PEAK1: variants seen among roughly 807,000 people sequenced by gnomAD.
PEAK1 encodes the protein inactive tyrosine-protein kinase PEAK1.
Under a neutral mutation model 124.7 loss-of-function variants are expected in PEAK1, and 54 were observed. That is an observed-to-expected ratio of 0.43 (90% CI 0.35 to 0.54). The LOEUF is 0.54. Ranked by LOEUF, PEAK1 falls within the 20% of genes least tolerant of loss-of-function variation. The probability of loss-of-function intolerance (pLI) is 0.01; values close to 1 mark genes in which losing one functional copy is unlikely to be tolerated. For missense variants in PEAK1, 2,046 were observed against 2,134.5 expected, an observed-to-expected ratio of 0.96 and a Z score of 0.82; for synonymous variants, 719 against 760.0, an observed-to-expected ratio of 0.95 and a Z score of 0.89.
intron 7 of PEAK1, among the ~76,000 whole-genome samples, chr15:77,175,310 T>C (rs550913374): frequency 4.5e-4 from 69 of 152,126 alleles, no homozygotes; most frequent in African/African-American, 1.2e-3. Context: ...TCAGAGTGAA[T>C]AGACAACCCA....
rs1052393141 is a variant in PEAK1 at position 77,352,032 on chromosome 15, G to A, written c.-603+13131C>T. On this transcript the variant is annotated intron_variant, in intron 2 of 9. Coordinates refer to ENST00000682557, the MANE Select transcript of PEAK1 (RefSeq NM_001385026.1). ...GCCCAGGAGTTCAAGACCAGCCTGG[G>A]TGACATAAGGAGACCCCATCTCTCC... 8 of 889,396 alleles carry A rather than the reference G, an allele frequency of 9.0e-6. No individual in the cohort carries two copies. In the African/African-American group the frequency reaches 1.5e-4, roughly 16 times the overall value. 55.1% of individuals were successfully genotyped at this position (889,396 alleles called of 1,614,324 possible).
At chr15:77,351,226 G>A (rs1280176824) in intron 2 of PEAK1, among the ~76,000 whole-genome samples, 1 of 152,208 alleles carries the variant, frequency 6.6e-6, no homozygotes, top group East Asian at 1.9e-4. Context: ...AGTGTTAAAG[G>A]GTCAGTATAA....
chr15:77,173,498 T>C lies in PEAK1; in HGVS notation c.3137+5292A>G, dbSNP rs971906339. Among the ~76,000 whole-genome samples the C allele has an allele frequency of 1.7e-4, 26 of 152,302 alleles. No individual in the cohort carries two copies. The East Asian group carries it at 2.5e-3, about 15-fold the overall frequency. ...ATCTACTTTTTTAGCAATTTTGAAA[T>C]ATGTACTATGTCATTATTAACTATG... On this transcript the variant is annotated intron_variant, in intron 7 of 9. Transcript: ENST00000682557.
chr15:77,218,464 T>A (rs563783660), intron 6 of PEAK1, among the ~76,000 whole-genome samples: 4 of 152,108 alleles, frequency 2.6e-5, no homozygotes, highest in Non-Finnish European at 5.9e-5. Context: ...AAACCAACAC[T>A]GCAACCCTGG....
At chr15:77,420,886 C>T (rs532926277), upstream of PEAK1, 7 of 398,540 alleles carry the variant, frequency 1.8e-5, no homozygotes, top group South Asian at 2.5e-4. Context: ...GAATTTTTGT[C>T]CAGCTGTGAG....
intron 2 of PEAK1, chr15:77,348,753 G>C: frequency 1.0e-6 from 1 of 975,034 alleles, no homozygotes; most frequent in Non-Finnish European, 1.2e-6. Flanking sequence ...ATAGAACTGT[G>C]ACTAAAACCC....
intron 5 of PEAK1, among the ~76,000 whole-genome samples, chr15:77,265,055 T>C (rs1189163687): frequency 2.0e-5 from 3 of 152,120 alleles, no homozygotes; most frequent in Non-Finnish European, 2.9e-5. Context: ...TAGCCATATG[T>C]AGAAAGCTGA....
At chr15:77,292,587 A>T (rs879693197) in intron 2 of PEAK1, among the ~76,000 whole-genome samples, 2 of 152,164 alleles carry the variant, frequency 1.3e-5, no homozygotes, top group Non-Finnish European at 2.9e-5. Flanking sequence ...AAGAAGGCAG[A>T]GTATCAAGAG....
rs568999257 is a variant in PEAK1 at position 77,238,029 on chromosome 15, T to C, written c.-115+14338A>G. Among the ~76,000 whole-genome samples, 28 of 152,304 alleles carry C rather than the reference T, an allele frequency of 1.8e-4. No homozygotes were observed. The South Asian group carries it at 5.4e-3, about 29-fold the overall frequency. ...TATTTCTATTTCTCATGTTTTCTTA[T>C]AGCTTCTGTATTTTCTTTTCCAGCT... On this transcript the variant is annotated intron_variant, in intron 6 of 9. Transcript: ENST00000682557.
intron 1 of PEAK1, among the ~76,000 whole-genome samples, chr15:77,382,805 C>T (rs1344008350): frequency 6.6e-6 from 1 of 151,992 alleles, no homozygotes. Flanking sequence ...AAGGGGAATC[C>T]AAATGAAATT....
chr15:77,285,282 T>C (rs1281736270), intron 3 of PEAK1, among the ~76,000 whole-genome samples: 1 of 152,208 alleles, frequency 6.6e-6, no homozygotes, highest in African/African-American at 2.4e-5. Context: ...GTCCTTACGA[T>C]AGTGTCTAGC....
At position 77,183,822 on chromosome 15, in the gene PEAK1, A is replaced by G. The variant is rs111289772; in HGVS notation, c.-114-1782T>C. ...TTTGAGCAGACACTTAACCAAATAT[A>G]TATGATTTTTGATCTTTTTTTTTGA... On this transcript the variant is annotated intron_variant, in intron 6 of 9. Transcript: ENST00000682557. 7.6e-3 allele frequency among the ~76,000 whole-genome samples: 1,159 copies of G among 152,242 alleles called. 14 individuals carry two copies. Among genetic ancestry groups the G allele is most frequent in the African/African-American group, 0.027 (1,106 of 41,518 alleles).
At chr15:77,238,489 C>G (rs2060219712) in intron 6 of PEAK1, among the ~76,000 whole-genome samples, 1 of 152,080 alleles carries the variant, frequency 6.6e-6, no homozygotes, top group Non-Finnish European at 1.5e-5. Context: ...GTTTTGCTTT[C>G]TTTATTAACT....
At chr15:77,402,408 T>A in intron 1 of PEAK1, 1 of 985,376 alleles carries the variant, frequency 1.0e-6, no homozygotes, top group Non-Finnish European at 1.2e-6. Context: ...AATCAACATA[T>A]CACCCATTTA....
At chr15:77,287,437 T>C (rs939197688) in intron 2 of PEAK1, among the ~76,000 whole-genome samples, 1 of 152,252 alleles carries the variant, frequency 6.6e-6, no homozygotes, top group South Asian at 2.1e-4. Context: ...ATCTACTACA[T>C]AACATTATAT....
chr15:77,258,862 T>A (rs540604309), intron 5 of PEAK1, among the ~76,000 whole-genome samples: 3 of 152,308 alleles, frequency 2.0e-5, no homozygotes, highest in Admixed American at 2.0e-4. Context: ...GGCTGTGGGT[T>A]TGTCATAGAT....
At chr15:77,299,827 T>C (rs2063697240) in intron 2 of PEAK1, among the ~76,000 whole-genome samples, 1 of 152,224 alleles carries the variant, frequency 6.6e-6, no homozygotes, top group Admixed American at 6.5e-5. Flanking sequence ...AATGGTGATC[T>C]TTCCATTATT....
intron 2 of PEAK1, chr15:77,333,990 G>T: frequency 2.3e-6 from 1 of 440,356 alleles, no homozygotes; most frequent in Non-Finnish European, 3.0e-6. Flanking sequence ...CAAATTCATA[G>T]ATTTGGGAAG....
At chr15:77,218,264 A>G (rs1342346990) in intron 6 of PEAK1, among the ~76,000 whole-genome samples, 1 of 152,176 alleles carries the variant, frequency 6.6e-6, no homozygotes, top group Non-Finnish European at 1.5e-5. Flanking sequence ...AGATAACCTC[A>G]ATCAGGTTGA....
Sources: gnomAD v4.1 joint callset for allele counts (sites outside exome capture counted in the v4.1 genomes callset) on GRCh38, gnomAD v4.1.1 for gene constraint, MANE v1.5 for transcripts, NCBI Gene and HGNC (gene_info 2026-07-23, HGNC 2026-07-21) for gene names.